The following PLEKHA8 variants were observed in gnomAD, a reference collection of about 807,000 sequenced individuals.
PLEKHA8 encodes the protein pleckstrin homology domain-containing family A member 8.
PLEKHA8 carries 36 observed loss-of-function variants against 68.2 expected under a neutral mutation model. That is an observed-to-expected ratio of 0.53 (90% CI 0.40 to 0.70). The LOEUF is 0.70. PLEKHA8 is among the 30% of genes least tolerant of loss of function. The probability of loss-of-function intolerance (pLI) is 0.00; values close to 1 mark genes in which losing one functional copy is unlikely to be tolerated. For synonymous variants in PLEKHA8, 211 were observed against 216.1 expected, an observed-to-expected ratio of 0.98 and a Z score of 0.20; for missense variants, 505 against 615.4, an observed-to-expected ratio of 0.82 and a Z score of 1.90.
chr7:30,034,669 C>CAGAGGA (rs375452233), intron 1 of PLEKHA8, among the ~76,000 whole-genome samples: 1 of 152,032 alleles, frequency 6.6e-6, no homozygotes, highest in African/African-American at 2.4e-5. Flanking sequence ...ATTGAGGAGG[C>CAGAGGA]AGAGGAAGAG....
chr7:30,028,745 C>G lies in PLEKHA8; in HGVS notation c.-18C>G. On this transcript the variant is annotated 5_prime_UTR_variant, in exon 1 of 14. Transcript: ENST00000449726. ...AGTGAGGGGGCCGGCGGGCGTGGGCCGAGTGGCCGCGGGCGCCATGGAGGG... is the reference window on the plus strand; with the variant it reads ...AGTGAGGGGGCCGGCGGGCGTGGGCGGAGTGGCCGCGGGCGCCATGGAGGG... 1.6e-6 allele frequency: 2 copies of G among 1,258,460 alleles called. No homozygotes were observed. The highest frequency in any genetic ancestry group is 2.0e-6 in the Non-Finnish European group (2 of 995,588). 78.0% of individuals were successfully genotyped at this position (1,258,460 alleles called of 1,614,324 possible).
At chr7:30,048,432 A>G (rs373822641) in intron 4 of PLEKHA8, among the ~76,000 whole-genome samples, 54 of 152,332 alleles carry the variant, frequency 3.5e-4, no homozygotes, top group African/African-American at 1.3e-3. Flanking sequence ...TTGTTTTACC[A>G]TCATAACTGT....
chr7:30,062,536 A>G, intron 11 of PLEKHA8, 136 bp from the exon 12 acceptor site: 1 of 681,760 alleles, frequency 1.5e-6, no homozygotes, highest in Non-Finnish European at 2.6e-6. Flanking sequence ...TTCAGGAAGG[A>G]CTGCCATATG....
In PLEKHA8 at chr7:30,078,717, T is replaced by C. The variant is rs1231934019; in HGVS notation, c.1490T>C (p.Met497Thr). Residue 497 changes from methionine (M) to threonine (T), a missense_variant, in exon 14 of 14, where the codon ATG (methionine) becomes ACG (threonine). Met to Thr is a moderately conservative substitution (Grantham distance 81). Coordinates refer to ENST00000449726, the MANE Select transcript of PLEKHA8 (RefSeq NM_001197026.2). ...GACCTCAGCCTTTACCTCCCTGCCA[T>C]GGAGAAGCAGCTGGCCATACTGGAC... is the stretch of plus-strand genomic sequence containing the variant. ...QRDLSLYLPA[M>T]EKQLAILDTL... 1 of 1,613,822 alleles carries C rather than the reference T, an allele frequency of 6.2e-7. No homozygotes were observed.
At chr7:30,051,046 C>T (rs1792366937) in intron 6 of PLEKHA8, among the ~76,000 whole-genome samples, 2 of 152,130 alleles carry the variant, frequency 1.3e-5, no homozygotes, top group Admixed American at 1.3e-4. Context: ...ACTATAGGTG[C>T]ATGCCACCAT....
chr7:30,111,180 C>T lies in PLEKHA8; in HGVS notation c.1363-18086C>T, dbSNP rs188387171. 3.3e-3 allele frequency among the ~76,000 whole-genome samples: 508 copies of T among 152,184 alleles called. 4 individuals carry two copies. The highest frequency in any genetic ancestry group is 0.012 in the African/African-American group (482 of 41,552). ...CGGCCTCCCAAAGCACTGGATTACA[C>T]GCATGAGCCATCACACCTGGACCTT... On this transcript the variant is annotated intron_variant, in intron 13 of 13. Coordinates refer to the PLEKHA8 transcript ENST00000396257.
intron 13 of PLEKHA8, among the ~76,000 whole-genome samples, chr7:30,120,116 A>AAT (rs1796671105): frequency 6.6e-6 from 1 of 151,532 alleles, no homozygotes; most frequent in Non-Finnish European, 1.5e-5. Flanking sequence ...ACAATGAGAT[A>AAT]CCTCTTCATA....
intron 13 of PLEKHA8, among the ~76,000 whole-genome samples, chr7:30,112,325 G>C (rs1796299289): frequency 1.3e-5 from 2 of 151,090 alleles, no homozygotes; most frequent in Admixed American, 6.6e-5. Context: ...AAAAAGTCAA[G>C]ATTTTCTGAC....
intron 9 of PLEKHA8, 77 bp downstream of exon 9, chr7:30,055,419 C>A (rs1490903191): frequency 3.9e-6 from 5 of 1,267,742 alleles, no homozygotes; most frequent in Admixed American, 1.7e-5. Context: ...AGGAGAAATA[C>A]CCCAAACTAT....
chr7:30,043,812 C>T lies in PLEKHA8; in HGVS notation c.41-1273C>T, dbSNP rs552862798. ...GTAATAAAGTGATACCATTGGTGTC[C>T]GGCCCACTTGGTTTGTGTGAGTCAA... is the stretch of plus-strand genomic sequence containing the variant. On this transcript the variant is annotated intron_variant, in intron 1 of 13. Transcript: ENST00000449726. Among the ~76,000 whole-genome samples, 9 of 152,126 alleles carry T rather than the reference C, an allele frequency of 5.9e-5. No homozygotes were observed. The East Asian group carries it at 9.7e-4, about 16-fold the overall frequency.
rs745629235 is a variant in PLEKHA8, at chr7:30,050,451, A to C, written c.615A>C (p.Ile205=). The C allele has an allele frequency of 8.9e-6, 14 of 1,578,528 alleles. No individual in the cohort carries two copies. The African/African-American group carries it at 1.5e-4, about 17-fold the overall frequency. The change falls in exon 6 of 14, where the codon ATA becomes ATC. Residue 205 remains isoleucine (I), a synonymous_variant. Transcript: ENST00000449726. ...LKSSKMKHPI[I]PIHNSLERQM... ...TTTTAAAGATGAAACATCCTATTAT[A>C]CCAATTCATAATTCATTGGAAAGGT...
chr7:30,063,122 G>T (rs1793566186), intron 12 of PLEKHA8, among the ~76,000 whole-genome samples: 1 of 152,182 alleles, frequency 6.6e-6, no homozygotes, highest in Non-Finnish European at 1.5e-5. Flanking sequence ...GGGTTGGCGT[G>T]GGGGAATCCC....
At chr7:30,117,727 T>G (rs1329969640) in intron 13 of PLEKHA8, among the ~76,000 whole-genome samples, 1 of 152,000 alleles carries the variant, frequency 6.6e-6, no homozygotes, top group African/African-American at 2.4e-5. Context: ...TTAAAATCTT[T>G]AAAAAACAAC....
chr7:30,081,499 G>GTGTA lies in PLEKHA8; in HGVS notation c.*2713_*2716dup. On this transcript the variant is annotated 3_prime_UTR_variant, in exon 14 of 14. Coordinates refer to ENST00000449726, the MANE Select transcript of PLEKHA8 (RefSeq NM_001197026.2). Reference sequence around the variant, plus strand: ...AGTTAAAGTCATAATTTGCGCTGATGTGTAATCACTTTCCAAGAAGAGGGC... The same window carrying GTGTA: ...AGTTAAAGTCATAATTTGCGCTGATGTGTATGTAATCACTTTCCAAGAAGAGGGC... 3 of 985,258 alleles carry GTGTA rather than the reference G, an allele frequency of 3.0e-6. No homozygotes were observed. The highest frequency in any genetic ancestry group is 3.6e-6 in the Non-Finnish European group (3 of 829,792). 61.0% of individuals were successfully genotyped at this position (985,258 alleles called of 1,614,324 possible). A position where few individuals can be genotyped will look rare whatever the true frequency, so the allele number is the denominator to read the frequency against.
At chr7:30,030,145 GA>G (rs1439707755) in intron 1 of PLEKHA8, among the ~76,000 whole-genome samples, 1 of 152,174 alleles carries the variant, frequency 6.6e-6, no homozygotes, top group Admixed American at 6.5e-5. Flanking sequence ...TTTTCCTTCT[GA>G]GGTCTCTCTA....
At position 30,122,227 on chromosome 7, in the gene PLEKHA8, G is replaced by A. The variant is rs1265510947; in HGVS notation, c.1363-7039G>A. On this transcript the variant is annotated intron_variant, in intron 13 of 13. Coordinates refer to the PLEKHA8 transcript ENST00000396257. Reference sequence around the variant, plus strand: ...ATTGTTTCAGAAAAGAAATACCACTGTATCTATATATGGATCTCTTGGTGT... The same window carrying A: ...ATTGTTTCAGAAAAGAAATACCACTATATCTATATATGGATCTCTTGGTGT... Among the ~76,000 whole-genome samples the A allele has an allele frequency of 2.6e-5, 4 of 152,102 alleles. No individual in the cohort carries two copies. The East Asian group carries it at 5.8e-4, about 22-fold the overall frequency.
rs35738941 is a variant in PLEKHA8, at chr7:30,073,563, TAAA to T, written c.1301-484_1301-482del. ...TAAGAGTGGAAGTATTTGTGTTTCT[TAAA>T]AAAAAAAAAAAAAAAAAAAAAAATT... On this transcript the variant is annotated intron_variant, in intron 12 of 13. Transcript: ENST00000449726. 5.6e-4 allele frequency among the ~76,000 whole-genome samples: 63 copies of T among 111,758 alleles called. 1 individual carries two copies. Among genetic ancestry groups the T allele is most frequent in the Middle Eastern group, 4.5e-3 (1 of 222 alleles). 73.3% of individuals were successfully genotyped at this position (111,758 alleles called of 152,430 possible). A position where few individuals can be genotyped will look rare whatever the true frequency, so the allele number is the denominator to read the frequency against.
At chr7:30,052,324 A>G (rs1583813421) in intron 6 of PLEKHA8, among the ~76,000 whole-genome samples, 1 of 152,174 alleles carries the variant, frequency 6.6e-6, no homozygotes, top group African/African-American at 2.4e-5. Flanking sequence ...TTGAAAGGAT[A>G]ACATCTACCT....
intron 2 of PLEKHA8, 149 bp from the exon 3 acceptor site, chr7:30,046,061 G>A: frequency 1.5e-6 from 1 of 649,170 alleles, no homozygotes. Flanking sequence ...ACAGAACTTT[G>A]TGTGAATTAG....
Sources: gnomAD v4.1 joint callset for allele counts (sites outside exome capture counted in the v4.1 genomes callset) on GRCh38, gnomAD v4.1.1 for gene constraint, MANE v1.5 for transcripts, NCBI Gene and HGNC (gene_info 2026-07-23, HGNC 2026-07-21) for gene names.